The following DCAF1 variants were observed in gnomAD, a reference collection of about 807,000 sequenced individuals.
The protein encoded by DCAF1 is DDB1- and CUL4-associated factor 1.
DCAF1 carries 15 observed loss-of-function variants against 128.0 expected under a neutral mutation model. The ratio of observed to expected loss-of-function variants is 0.12; its 90% CI spans 0.08 to 0.18. The LOEUF (loss-of-function observed/expected upper bound fraction) is 0.18, where lower values mean the gene tolerates loss of function less well. Among genes scored for constraint, DCAF1 ranks in the 10% least tolerant of loss-of-function variants. The pLI, the probability that DCAF1 is intolerant of heterozygous loss-of-function variation, is 1.00. For missense variants in DCAF1, 988 were observed against 1,649.5 expected, an observed-to-expected ratio of 0.60 and a Z score of 6.95; for synonymous variants, 610 against 603.0, an observed-to-expected ratio of 1.01 and a Z score of -0.17.
chr3:51,490,874 C>T (rs531105020), intron 2 of DCAF1, among the ~76,000 whole-genome samples: 3 of 152,028 alleles, frequency 2.0e-5, no homozygotes, highest in East Asian at 3.9e-4. Flanking sequence ...TGCAGTAAGC[C>T]GAGATCGTGC....
At chr3:51,495,642 C>T (rs1708152951) in intron 2 of DCAF1, among the ~76,000 whole-genome samples, 1 of 152,110 alleles carries the variant, frequency 6.6e-6, no homozygotes, top group African/African-American at 2.4e-5. Context: ...CCTGTAATCC[C>T]AGCACTTTGG....
intron 24 of DCAF1, among the ~76,000 whole-genome samples, chr3:51,399,350 T>C (rs893010495): frequency 6.6e-6 from 1 of 152,208 alleles, no homozygotes; most frequent in African/African-American, 2.4e-5. Context: ...AAGGCAGAGA[T>C]AGTCACCCTA....
chr3:51,471,502 A>G (rs560660925), intron 3 of DCAF1, among the ~76,000 whole-genome samples: 32 of 152,078 alleles, frequency 2.1e-4, no homozygotes, highest in South Asian at 1.5e-3. Context: ...ATTCTTATAT[A>G]AACTTTCCCT....
In DCAF1 at chr3:51,416,847, A is replaced by G. The variant is rs782476187; in HGVS notation, c.3543T>C (p.Tyr1181=). 2.5e-6 allele frequency: 4 copies of G among 1,610,848 alleles called. No homozygotes were observed. Among genetic ancestry groups the G allele is most frequent in the Non-Finnish European group, 3.4e-6 (4 of 1,178,508 alleles). Residue 1181 remains tyrosine (Y), a synonymous_variant, in exon 18 of 25, where the codon TAT becomes TAC. Transcript: ENST00000684031. The stretch of plus-strand genomic sequence containing the variant: ...CCTGGGAGTGCTTACTGAACTCAAC[A>G]TAGTGATCTTCTGTGAAGGAATGCC... ...DMKHSFTEDH[Y]VEFSKHSQDR...
At chr3:51,399,283 T>G (rs2089468503) in intron 24 of DCAF1, among the ~76,000 whole-genome samples, 1 of 152,228 alleles carries the variant, frequency 6.6e-6, no homozygotes, top group Non-Finnish European at 1.5e-5. Flanking sequence ...AAGTGAGAGA[T>G]GTATCTTTTC....
At chr3:51,471,123 T>G (rs1553648262) in intron 3 of DCAF1, 118 bp from the exon 4 acceptor site, 4 of 546,610 alleles carry the variant, frequency 7.3e-6, no homozygotes, top group South Asian at 6.8e-5. Context: ...AAAAGACTAT[T>G]TCTTCTGATG....
downstream of DCAF1, chr3:51,396,203 G>C: frequency 2.9e-6 from 1 of 346,334 alleles, no homozygotes; most frequent in Non-Finnish European, 5.4e-6. Context: ...TTGTGAGACA[G>C]AACCAAGTAA....
At chr3:51,407,180 C>CA (rs1165134977) in intron 23 of DCAF1, among the ~76,000 whole-genome samples, 7 of 114,326 alleles carry the variant, frequency 6.1e-5, no homozygotes, top group Non-Finnish European at 1.0e-4. Context: ...AAAAAAAAAA[C>CA]AACAACAAAA....
chr3:51,440,979 C>A lies in DCAF1; in HGVS notation c.1119G>T (p.Glu373Asp). 6.2e-7 allele frequency: 1 copy of A among 1,611,488 alleles called. No individual in the cohort carries two copies. The highest frequency in any genetic ancestry group is 8.5e-7 in the Non-Finnish European group (1 of 1,178,870). Residue 373 changes from glutamate (E) to aspartate (D), a missense_variant, in exon 9 of 25, where the codon GAG becomes GAT. Coordinates refer to ENST00000684031, the MANE Select transcript of DCAF1 (RefSeq NM_001387579.1). ...TTTTTAAGAACTTTACCTTTAGTGC[C>A]TCAAATGTAAGCAGGACATCATTAG... Reference protein sequence around the residue: ...KQTNDVLLTFEALKHLASLLL... With the variant: ...KQTNDVLLTFDALKHLASLLL...
At chr3:51,472,952 C>T (rs1033490821) in intron 3 of DCAF1, among the ~76,000 whole-genome samples, 1 of 151,320 alleles carries the variant, frequency 6.6e-6, no homozygotes, top group Non-Finnish European at 1.5e-5. Flanking sequence ...GCGTGAGCCA[C>T]CACGCCCGGT....
chr3:51,462,591 C>T (rs562742953), intron 6 of DCAF1, among the ~76,000 whole-genome samples: 21 of 151,778 alleles, frequency 1.4e-4, no homozygotes, highest in African/African-American at 5.1e-4. Context: ...ACTAAAATTA[C>T]AAAAATTAAG....
At chr3:51,484,191 C>G (rs1706632769) in intron 2 of DCAF1, among the ~76,000 whole-genome samples, 2 of 151,828 alleles carry the variant, frequency 1.3e-5, no homozygotes, top group Admixed American at 1.3e-4. Flanking sequence ...ATGCATTTAC[C>G]ACCAGGCATG....
intron 7 of DCAF1, among the ~76,000 whole-genome samples, chr3:51,442,189 C>T (rs1482259344): frequency 6.6e-6 from 1 of 152,126 alleles, no homozygotes; most frequent in Admixed American, 6.6e-5. Flanking sequence ...GACCATCACA[C>T]CTGAAGAGGC....
chr3:51,446,953 T>G (rs1553640345), intron 6 of DCAF1, among the ~76,000 whole-genome samples: 2 of 49,062 alleles, frequency 4.1e-5, no homozygotes, highest in Non-Finnish European at 8.3e-5. Flanking sequence ...AGAACAAAAC[T>G]TTGTCTCAAA....
chr3:51,423,100 G>T (rs1224637183), intron 13 of DCAF1, among the ~76,000 whole-genome samples: 1 of 151,826 alleles, frequency 6.6e-6, no homozygotes, highest in African/African-American at 2.4e-5. Flanking sequence ...TGAAAAAAAA[G>T]AAGAAAAAGA....
At chr3:51,458,785 A>G (rs1185485163) in intron 6 of DCAF1, among the ~76,000 whole-genome samples, 7 of 152,140 alleles carry the variant, frequency 4.6e-5, no homozygotes, top group African/African-American at 1.7e-4. Context: ...CAACTACATG[A>G]AAACTGAACA....
Position 51,494,055 on chromosome 3 carries a change from G to GCC in DCAF1, c.-9+2677_-9+2678dup, listed in dbSNP as rs1293234137. 4.6e-5 allele frequency among the ~76,000 whole-genome samples: 7 copies of GCC among 151,086 alleles called. No homozygotes were observed. In the East Asian group the frequency reaches 9.7e-4, roughly 21 times the overall value. ...ATATACAGAAAGCTAACTAGTAGTT[G>GCC]CCAAGGACTTGAGGAAAGGGGAAAA... On this transcript the variant is annotated intron_variant, in intron 2 of 24. Coordinates refer to ENST00000684031, the MANE Select transcript of DCAF1 (RefSeq NM_001387579.1).
At chr3:51,464,866 CGTT>C (rs1703974851) in intron 5 of DCAF1, among the ~76,000 whole-genome samples, 2 of 152,016 alleles carry the variant, frequency 1.3e-5, no homozygotes, top group Non-Finnish European at 2.9e-5. Context: ...TCTAAGGAAA[CGTT>C]GGAGGAGAGG....
Position 51,499,883 on chromosome 3 carries a change from G to C in DCAF1, c.-66C>G, listed in dbSNP as rs1708676974. ...CCATTTCCCACTCACCGTCCGAGGC[G>C]GCTCCGCCGCTGCCCCCCCCCGACC... On this transcript the variant is annotated 5_prime_UTR_variant, in exon 1 of 25. Coordinates refer to ENST00000684031, the MANE Select transcript of DCAF1 (RefSeq NM_001387579.1). The C allele has an allele frequency of 6.6e-6, 1 of 151,126 alleles. No homozygotes were observed. Among genetic ancestry groups the C allele is most frequent in the South Asian group, 2.1e-4 (1 of 4,824 alleles). The allele number at this position is 151,126 out of a possible 1,614,324, so 9.4% of individuals were successfully genotyped here.
Sources: allele counts gnomAD v4.1 joint callset (sites outside exome capture counted in the v4.1 genomes callset), GRCh38; gene constraint gnomAD v4.1.1; transcripts MANE v1.5; gene names NCBI Gene and HGNC (gene_info 2026-07-23, HGNC 2026-07-21).